RYR3: variants seen among roughly 807,000 people sequenced by gnomAD.
RYR3 encodes ryanodine receptor 3.
RYR3 carries 207 observed loss-of-function variants against 584.3 expected under a neutral mutation model. That is an observed-to-expected ratio of 0.35 (90% CI 0.32 to 0.40). The LOEUF is 0.40. Ranked by LOEUF, RYR3 falls within the 10% of genes least tolerant of loss-of-function variation. RYR3 has a pLI of 1.00. For missense variants in RYR3, 5,616 were observed against 6,089.2 expected, an observed-to-expected ratio of 0.92 and a Z score of 2.59; for synonymous variants, 2,416 against 2,248.5, an observed-to-expected ratio of 1.07 and a Z score of -2.11.
At chr15:33,595,822 TA>T (rs879812453) in intron 16 of RYR3, among the ~76,000 whole-genome samples, 3 of 151,804 alleles carry the variant, frequency 2.0e-5, no homozygotes, top group Middle Eastern at 3.4e-3. Context: ...AACCTTAATT[TA>T]AAAAAAAATT....
chr15:33,607,126 G>C (rs1025582269), intron 18 of RYR3, among the ~76,000 whole-genome samples: 1 of 152,148 alleles, frequency 6.6e-6, no homozygotes, highest in African/African-American at 2.4e-5. Context: ...GCGCTTTTCT[G>C]TCTTTGGATC....
intron 5 of RYR3, among the ~76,000 whole-genome samples, chr15:33,534,122 C>G (rs1341029445): frequency 6.6e-6 from 1 of 152,128 alleles, no homozygotes; most frequent in Admixed American, 6.5e-5. Context: ...AAAAATGGGC[C>G]GGGCACGGTG....
At chr15:33,452,175 T>C (rs2047187852) in intron 1 of RYR3, among the ~76,000 whole-genome samples, 1 of 152,190 alleles carries the variant, frequency 6.6e-6, no homozygotes, top group African/African-American at 2.4e-5. Flanking sequence ...AGTTATGGGG[T>C]ACAAATCAGG....
At chr15:33,820,041 C>A (rs900111138) in intron 77 of RYR3, among the ~76,000 whole-genome samples, 3 of 152,342 alleles carry the variant, frequency 2.0e-5, no homozygotes, top group Non-Finnish European at 4.4e-5. Context: ...TAGGTTCACA[C>A]TGACATTTCT....
chr15:33,461,013 T>C (rs2676091), intron 1 of RYR3, among the ~76,000 whole-genome samples: 83,214 of 142,440 alleles, frequency 0.58, 25,482 homozygotes, highest in African/African-American at 0.79. Context: ...GGCGTGATCT[T>C]GGCTCACTGC....
chr15:33,825,598 A>C lies in RYR3; in HGVS notation c.11073-5A>C. The C allele has an allele frequency of 1.9e-6, 3 of 1,606,404 alleles. No homozygotes were observed. Among genetic ancestry groups the C allele is most frequent in the Non-Finnish European group, 2.6e-6 (3 of 1,174,108 alleles). On this transcript the variant is annotated splice_polypyrimidine_tract_variant and splice_region_variant and intron_variant, in intron 81 of 103. Coordinates refer to ENST00000634891, the MANE Select transcript of RYR3 (RefSeq NM_001036.6). ...TGAACCTTGTTTCTTTCTGTCTATT[A>C]AAAGTGTCCTTGATTTGAATGCATT...
In RYR3 at chr15:33,843,244, C is replaced by T. The variant is rs373957958; in HGVS notation, c.13210-244C>T. Among the ~76,000 whole-genome samples the T allele has an allele frequency of 1.8e-4, 28 of 151,950 alleles. No individual in the cohort carries two copies. The East Asian group carries it at 2.5e-3, about 14-fold the overall frequency. On this transcript the variant is annotated intron_variant, in intron 91 of 103. Transcript: ENST00000634891. ...CTGAGACAGGAGAATGGCATGAACC[C>T]GGGAGGTGGAGCTTGCAGTGAGCCG...
At chr15:33,353,988 A>C (rs1973626923) in intron 1 of RYR3, among the ~76,000 whole-genome samples, 1 of 152,184 alleles carries the variant, frequency 6.6e-6, no homozygotes, top group Non-Finnish European at 1.5e-5. Context: ...TTGGACATTG[A>C]TTTATCTGAC....
Position 33,750,057 on chromosome 15 carries a change from G to A in RYR3, c.8275+3G>A, listed in dbSNP as rs1249952786. 6.2e-7 allele frequency: 1 copy of A among 1,611,232 alleles called. No homozygotes were observed. Among genetic ancestry groups the A allele is most frequent in the Non-Finnish European group, 8.5e-7 (1 of 1,178,784 alleles). ...GAAGCTGGAGCTGGAGAGCAAAGGTGAGTGAGGTTCACAGCATCCCCTAAA... is the reference window on the plus strand; with the variant it reads ...GAAGCTGGAGCTGGAGAGCAAAGGTAAGTGAGGTTCACAGCATCCCCTAAA... On this transcript the variant is annotated splice_donor_region_variant and intron_variant, in intron 56 of 103. Coordinates refer to ENST00000634891, the MANE Select transcript of RYR3 (RefSeq NM_001036.6).
At chr15:33,681,846 C>T (rs2064646079) in intron 38 of RYR3, among the ~76,000 whole-genome samples, 1 of 152,184 alleles carries the variant, frequency 6.6e-6, no homozygotes, top group Non-Finnish European at 1.5e-5. Context: ...TAAGAGCACT[C>T]ACAAAGATAC....
At chr15:33,521,241 G>C (rs1193116837) in intron 3 of RYR3, among the ~76,000 whole-genome samples, 1 of 152,156 alleles carries the variant, frequency 6.6e-6, no homozygotes, top group Non-Finnish European at 1.5e-5. Context: ...ATCTAAGTTG[G>C]TGTTTTCCTG....
intron 69 of RYR3, among the ~76,000 whole-genome samples, chr15:33,807,304 T>C (rs913211840): frequency 4.6e-5 from 7 of 152,174 alleles, no homozygotes; most frequent in African/African-American, 1.4e-4. Flanking sequence ...CCACACACTC[T>C]AGAAGGCTGC....
At chr15:33,420,784 G>A (rs1305763580) in intron 1 of RYR3, among the ~76,000 whole-genome samples, 2 of 152,096 alleles carry the variant, frequency 1.3e-5, no homozygotes, top group Non-Finnish European at 2.9e-5. Flanking sequence ...GCCCCTTGAT[G>A]AAATATGCAG....
intron 2 of RYR3, among the ~76,000 whole-genome samples, chr15:33,487,201 GA>G (rs61232070): frequency 2.8e-4 from 40 of 144,546 alleles, no homozygotes; most frequent in African/African-American, 5.1e-4. Context: ...CCATCTCAAA[GA>G]AAAAAAAAAA....
At chr15:33,644,273 C>T (rs1345856669) in intron 27 of RYR3, 38 bp from the exon 28 acceptor site, 6 of 1,542,454 alleles carry the variant, frequency 3.9e-6, no homozygotes, top group East Asian at 4.6e-5. Context: ...TGGGATGGTG[C>T]CTTCGGGCTA....
chr15:33,592,605 A>G (rs527603286), intron 16 of RYR3, among the ~76,000 whole-genome samples: 5 of 152,166 alleles, frequency 3.3e-5, no homozygotes, highest in African/African-American at 9.7e-5. Flanking sequence ...AAGCCTTTGT[A>G]TGTTCAGAAG....
chr15:33,682,764 G>A (rs1188394421), intron 38 of RYR3, among the ~76,000 whole-genome samples: 1 of 152,230 alleles, frequency 6.6e-6, no homozygotes, highest in East Asian at 1.9e-4. Flanking sequence ...ACTTGGCAAG[G>A]CCTTCTTGAG....
At position 33,540,436 on chromosome 15, in the gene RYR3, G is replaced by A. The variant is rs1361042124; in HGVS notation, c.547-355G>A. Among the ~76,000 whole-genome samples, 5 of 152,092 alleles carry A rather than the reference G, an allele frequency of 3.3e-5. No homozygotes were observed. In the East Asian group the frequency reaches 7.7e-4, roughly 24 times the overall value. On this transcript the variant is annotated intron_variant, in intron 6 of 103. Transcript: ENST00000634891. Reference sequence around the variant, plus strand: ...CACGGAGTCAACTGAAGTAAAATCTGTGGGCAGATTTTACTTTGCCTAGGC... The same window carrying A: ...CACGGAGTCAACTGAAGTAAAATCTATGGGCAGATTTTACTTTGCCTAGGC...
chr15:33,402,195 A>G (rs2042722533), intron 1 of RYR3, among the ~76,000 whole-genome samples: 1 of 152,222 alleles, frequency 6.6e-6, no homozygotes, highest in African/African-American at 2.4e-5. Flanking sequence ...GTACAAGACT[A>G]TCCGGTAGGA....
Sources: allele counts gnomAD v4.1 joint callset (sites outside exome capture counted in the v4.1 genomes callset), GRCh38; gene constraint gnomAD v4.1.1; transcripts MANE v1.5; gene names NCBI Gene and HGNC (gene_info 2026-07-23, HGNC 2026-07-21).